KIAA0930: variants seen among roughly 807,000 people sequenced by gnomAD.
The protein encoded by KIAA0930 is KIAA0930.
A neutral mutation model predicts 43.9 loss-of-function variants in KIAA0930; 24 were observed. The ratio of observed to expected loss-of-function variants is 0.55; its 90% confidence interval spans 0.40 to 0.77. KIAA0930 has a LOEUF of 0.77. Among genes scored for constraint, KIAA0930 ranks in the 30% least tolerant of loss-of-function variants. The pLI, the probability that KIAA0930 is intolerant of heterozygous loss-of-function variation, is 0.00. For missense variants in KIAA0930, 461 were observed against 574.2 expected, an observed-to-expected ratio of 0.80 and a Z score of 2.02; for synonymous variants, 259 against 216.4, an observed-to-expected ratio of 1.20 and a Z score of -1.73.
intron 2 of KIAA0930, among the ~76,000 whole-genome samples, chr22:45,208,361 A>C (rs2083658189): frequency 6.8e-6 from 1 of 146,566 alleles, no homozygotes; most frequent in Non-Finnish European, 1.5e-5. Flanking sequence ...AGAACCACCG[A>C]CTCCACATGC....
Position 45,193,465 on chromosome 22 carries a change from T to C in KIAA0930, c.*3711A>G, listed in dbSNP as rs1404522765. On this transcript the variant is annotated 3_prime_UTR_variant, in exon 10 of 10. Coordinates refer to ENST00000336156, the MANE Select transcript of KIAA0930 (RefSeq NM_001009880.2). ...TTTACTTTGTTCTTCAAAAGTCTTC[T>C]ACTAACTAGTCTATTTATGATTAAA... 1 of 152,242 alleles carries C rather than the reference T, an allele frequency of 6.6e-6. No homozygotes were observed. The highest frequency in any genetic ancestry group is 1.5e-5 in the Non-Finnish European group (1 of 68,060). The allele number at this position is 152,242 out of a possible 1,614,324, so 9.4% of individuals were successfully genotyped here. A position where few individuals can be genotyped will look rare whatever the true frequency, so the allele number is the denominator to read the frequency against.
chr22:45,197,169 C>T lies in KIAA0930; in HGVS notation c.*7G>A. On this transcript the variant is annotated 3_prime_UTR_variant, in exon 10 of 10. Coordinates refer to ENST00000336156, the MANE Select transcript of KIAA0930 (RefSeq NM_001009880.2). ...CGGCCGGGGCTCTGCGCAGGCTCCG[C>T]ACGCGGCTAGGTCATCAGGATGGGC... 6.5e-7 allele frequency: 1 copy of T among 1,547,876 alleles called. No homozygotes were observed.
chr22:45,203,902 C>A lies in KIAA0930; in HGVS notation c.600G>T (p.Gly200=), dbSNP rs762268733. The part of the protein sequence containing the change: ...VASDKTNTFQ[G]VIFQGSIRYE... The stretch of plus-strand genomic sequence containing the variant: ...AGCGGATGGAGCCCTGAAAGATGAC[C>A]CCCTGGAACGTGTTGGTTTTGTCAC... The change falls in exon 6 of 10, where the codon GGG becomes GGT. Residue 200 remains glycine, a synonymous_variant. Coordinates refer to ENST00000336156, the MANE Select transcript of KIAA0930 (RefSeq NM_001009880.2). 6.2e-7 allele frequency: 1 copy of A among 1,614,086 alleles called. No individual in the cohort carries two copies. The highest frequency in any genetic ancestry group is 1.3e-5 in the African/African-American group (1 of 75,026).
At chr22:45,219,104 G>A (rs911906805) in intron 1 of KIAA0930, among the ~76,000 whole-genome samples, 39 of 152,350 alleles carry the variant, frequency 2.6e-4, no homozygotes, top group African/African-American at 8.7e-4. Flanking sequence ...GATGGGGGAA[G>A]ACTGTCAGAT....
chr22:45,226,365 C>CA, intron 1 of KIAA0930: 1 of 470,738 alleles, frequency 2.1e-6, no homozygotes, highest in South Asian at 1.5e-5. Flanking sequence ...CTGCTCTGCC[C>CA]CAGGCGCTGC....
intron 1 of KIAA0930, chr22:45,213,611 T>C (rs1415678760): frequency 1.9e-6 from 1 of 518,498 alleles, no homozygotes; most frequent in Non-Finnish European, 2.7e-6. Flanking sequence ...GCGCTGTGAT[T>C]ATTCCTGGAT....
At chr22:45,217,131 C>G (rs2083737850) in intron 1 of KIAA0930, among the ~76,000 whole-genome samples, 2 of 152,084 alleles carry the variant, frequency 1.3e-5, no homozygotes, top group African/African-American at 4.8e-5. Flanking sequence ...AACGCTAAGG[C>G]AGGTAGAATA....
At chr22:45,228,281 C>T (rs1051726105) in intron 1 of KIAA0930, among the ~76,000 whole-genome samples, 1 of 152,152 alleles carries the variant, frequency 6.6e-6, no homozygotes, top group Non-Finnish European at 1.5e-5. Context: ...GTGCTTTTTA[C>T]AAGTGGCTTG....
At chr22:45,200,978 G>A (rs748877788) in intron 7 of KIAA0930, 5 of 526,828 alleles carry the variant, frequency 9.5e-6, no homozygotes, top group East Asian at 5.5e-5. Context: ...GGGGAAGGGC[G>A]TTCCAGCCAG....
intron 1 of KIAA0930, among the ~76,000 whole-genome samples, chr22:45,231,628 A>G (rs79358851): frequency 0.022 from 3,386 of 152,270 alleles, 111 homozygotes; most frequent in African/African-American, 0.077. Flanking sequence ...TGACCTCCAC[A>G]AATGACACAA....
At chr22:45,233,305 G>A (rs5765225) in intron 1 of KIAA0930, among the ~76,000 whole-genome samples, 2 of 151,830 alleles carry the variant, frequency 1.3e-5, no homozygotes, top group Non-Finnish European at 2.9e-5. Context: ...CTCTGGACAC[G>A]GTGTGGTACA....
At chr22:45,198,929 G>A (rs1601807062) in intron 8 of KIAA0930, among the ~76,000 whole-genome samples, 3 of 152,308 alleles carry the variant, frequency 2.0e-5, no homozygotes, top group Admixed American at 2.0e-4. Flanking sequence ...GGAATTACAG[G>A]GGTGAGCCAC....
intron 2 of KIAA0930, among the ~76,000 whole-genome samples, chr22:45,208,768 T>C (rs2083664980): frequency 6.6e-6 from 1 of 152,228 alleles, no homozygotes; most frequent in African/African-American, 2.4e-5. Context: ...AAGGAAAAAG[T>C]GAGACTGGGG....
chr22:45,197,179 G>C lies in KIAA0930; in HGVS notation c.1212C>G (p.Thr404=). The C allele has an allele frequency of 6.5e-7, 1 of 1,549,852 alleles. No homozygotes were observed. Among genetic ancestry groups the C allele is most frequent in the African/African-American group, 1.4e-5 (1 of 73,068 alleles). ...TCTGCGCAGGCTCCGCACGCGGCTA[G>C]GTCATCAGGATGGGCTTCTGCCGAA... ...LEVRQKPILM[T] is the part of the protein sequence containing the mutation. The change falls in exon 10 of 10, where the codon ACC becomes ACG. Residue 404 remains threonine, a synonymous_variant. Coordinates refer to ENST00000336156, the MANE Select transcript of KIAA0930 (RefSeq NM_001009880.2).
chr22:45,223,417 T>C (rs1206779873), intron 1 of KIAA0930, among the ~76,000 whole-genome samples: 1 of 152,214 alleles, frequency 6.6e-6, no homozygotes, highest in Non-Finnish European at 1.5e-5. Context: ...GCTCTGGCAG[T>C]TCTGGTCATG....
At chr22:45,240,382 C>T (rs781020532) in intron 1 of KIAA0930, among the ~76,000 whole-genome samples, 1 of 152,196 alleles carries the variant, frequency 6.6e-6, no homozygotes, top group Non-Finnish European at 1.5e-5. Context: ...CCCGGACGGA[C>T]TGACAGGGGG....
In KIAA0930 at chr22:45,212,279, G is replaced by A. The variant is rs762628844; in HGVS notation, c.65-172C>T. 3.7e-6 allele frequency: 6 copies of A among 1,613,138 alleles called. No individual in the cohort carries two copies. The African/African-American group carries it at 6.7e-5, about 18-fold the overall frequency. On this transcript the variant is annotated intron_variant, in intron 1 of 9. Coordinates refer to ENST00000336156, the MANE Select transcript of KIAA0930 (RefSeq NM_001009880.2). Reference sequence around the variant, plus strand: ...CCGACCCCCACCCATGGAGCATCCAGAGAGGCTGGAGGACACCTCCCAGGA... The same window carrying A: ...CCGACCCCCACCCATGGAGCATCCAAAGAGGCTGGAGGACACCTCCCAGGA...
intron 1 of KIAA0930, chr22:45,213,562 C>T (rs2083712838): frequency 9.2e-7 from 1 of 1,082,694 alleles, no homozygotes; most frequent in Non-Finnish European, 1.2e-6. Flanking sequence ...AGGCAAAGCC[C>T]AAGTCACGCT....
In KIAA0930 at chr22:45,207,787, G is replaced by A. The variant is rs2083651988; in HGVS notation, c.217-1875C>T. ...AGAGCTGGGATCTATGGAAAGAGGT[G>A]CAAGAGGCCAACCTTGCCTAGGAGC... On this transcript the variant is annotated intron_variant, in intron 2 of 9. Transcript: ENST00000336156. 4 of 169,764 alleles carry A rather than the reference G, an allele frequency of 2.4e-5. No homozygotes were observed. The Middle Eastern group carries it at 2.1e-3, about 88-fold the overall frequency. The allele number at this position is 169,764 out of a possible 1,614,324, so 10.5% of individuals were successfully genotyped here.
Sources: allele counts gnomAD v4.1 joint callset (sites outside exome capture counted in the v4.1 genomes callset), GRCh38; gene constraint gnomAD v4.1.1; transcripts MANE v1.5; gene names NCBI Gene and HGNC (gene_info 2026-07-23, HGNC 2026-07-21).